RPAP2: variants seen among roughly 807,000 people sequenced by gnomAD.
RPAP2 encodes putative RNA polymerase II subunit B1 CTD phosphatase RPAP2.
A neutral mutation model predicts 73.1 loss-of-function variants in RPAP2; 52 were observed. That is an observed-to-expected ratio of 0.71 (90% CI 0.57 to 0.90). The LOEUF is 0.90. RPAP2 is among the 40% of genes least tolerant of loss of function. The pLI is 0.00. For missense variants in RPAP2, 598 were observed against 701.8 expected (o/e 0.85, Z 1.67); for synonymous variants, 225 against 242.1 (o/e 0.93, Z 0.65).
chr1:92,371,888 T>TC (rs1553155738), intron 11 of RPAP2, among the ~76,000 whole-genome samples: 2 of 46,088 alleles, frequency 4.3e-5, no homozygotes, highest in African/African-American at 2.2e-4. Context: ...AGACCCTGTC[T>TC]CAAAAAAAAA....
At chr1:92,317,740 G>A (rs774545968) in intron 6 of RPAP2, among the ~76,000 whole-genome samples, 3 of 152,130 alleles carry the variant, frequency 2.0e-5, no homozygotes, top group Admixed American at 6.5e-5. Context: ...GGTAGGTGAT[G>A]CCTACCTTAT....
chr1:92,322,243 G>T (rs114790603), intron 7 of RPAP2, among the ~76,000 whole-genome samples: 3,389 of 150,476 alleles, frequency 0.023, 151 homozygotes, highest in African/African-American at 0.077. Context: ...ACCACACTCA[G>T]CCAAAGTTTT....
rs1269002463 is a variant in RPAP2, at chr1:92,391,947, G to A, written c.*4936G>A. 2.0e-5 allele frequency: 3 copies of A among 152,066 alleles called. No homozygotes were observed. Among genetic ancestry groups the A allele is most frequent in the Non-Finnish European group, 4.4e-5 (3 of 68,006 alleles). The allele number at this position is 152,066 out of a possible 1,614,324, so 9.4% of individuals were successfully genotyped here. A position where few individuals can be genotyped will look rare whatever the true frequency, so the allele number is the denominator to read the frequency against. On this transcript the variant is annotated 3_prime_UTR_variant, in exon 13 of 13. Coordinates refer to ENST00000610020, the MANE Select transcript of RPAP2 (RefSeq NM_024813.3). ...AGACGGATTCACAGCCAAATTCTAC[G>A]AAAGGTACAAAGAGGTGCTGGTACC...
chr1:92,385,180 A>G (rs1177200552), intron 12 of RPAP2, among the ~76,000 whole-genome samples: 5 of 151,994 alleles, frequency 3.3e-5, no homozygotes, highest in Admixed American at 2.6e-4. Flanking sequence ...TCTCAAAAAA[A>G]AAAAAAAAAA....
At chr1:92,361,390 T>C (rs1446195731) in intron 11 of RPAP2, among the ~76,000 whole-genome samples, 1 of 152,180 alleles carries the variant, frequency 6.6e-6, no homozygotes, top group African/African-American at 2.4e-5. Context: ...TGAATATTTG[T>C]TGATACATCA....
At chr1:92,385,956 T>G (rs901684004) in intron 12 of RPAP2, among the ~76,000 whole-genome samples, 2 of 152,296 alleles carry the variant, frequency 1.3e-5, no homozygotes, top group East Asian at 3.9e-4. Flanking sequence ...CATGTGGTTG[T>G]TGGCAGGATC....
Position 92,305,432 on chromosome 1 carries a change from C to CAAAAAA in RPAP2, c.399+1097_399+1102dup, listed in dbSNP as rs71091273. ...GGGGCAACAGAGTGAGGCTCCGTCT[C>CAAAAAA]AAAAAAAAAAAAAAAAAAAGACAAT... On this transcript the variant is annotated intron_variant, in intron 5 of 12. Transcript: ENST00000610020. Among the ~76,000 whole-genome samples, 170 of 52,504 alleles carry CAAAAAA rather than the reference C, an allele frequency of 3.2e-3. 14 individuals are homozygous for CAAAAAA. Among genetic ancestry groups the CAAAAAA allele is most frequent in the East Asian group, 0.015 (11 of 724 alleles). The allele number at this position is 52,504 out of a possible 152,430, so 34.4% of individuals were successfully genotyped here.
chr1:92,390,603 T>C lies in RPAP2; in HGVS notation c.*3592T>C, dbSNP rs1056279024. On this transcript the variant is annotated 3_prime_UTR_variant, in exon 13 of 13. Transcript: ENST00000610020. Reference sequence around the variant, plus strand: ...CAATTAAAAGACACAGACTGGCAAATTGAATAAACAGTCAAGACCCATCAG... The same window carrying C: ...CAATTAAAAGACACAGACTGGCAAACTGAATAAACAGTCAAGACCCATCAG... The C allele has an allele frequency of 1.3e-5, 2 of 152,204 alleles. No individual in the cohort carries two copies. Among genetic ancestry groups the C allele is most frequent in the African/African-American group, 2.4e-5 (1 of 41,512 alleles). The allele number at this position is 152,204 out of a possible 1,614,324, so 9.4% of individuals were successfully genotyped here.
At chr1:92,351,766 C>T (rs543544862) in intron 11 of RPAP2, among the ~76,000 whole-genome samples, 1 of 152,288 alleles carries the variant, frequency 6.6e-6, no homozygotes, top group South Asian at 2.1e-4. Flanking sequence ...GCCCGAGTTC[C>T]TTTATGTGCA....
intron 8 of RPAP2, among the ~76,000 whole-genome samples, chr1:92,329,140 G>A (rs1356546740): frequency 2.0e-5 from 3 of 152,194 alleles, no homozygotes; most frequent in Non-Finnish European, 4.4e-5. Context: ...GTGCTTTCAA[G>A]AGTGCATCAG....
At chr1:92,356,894 C>G (rs1158529120) in intron 11 of RPAP2, among the ~76,000 whole-genome samples, 1 of 151,760 alleles carries the variant, frequency 6.6e-6, no homozygotes, top group Admixed American at 6.6e-5. Context: ...TAAAGTATGT[C>G]TCTCCTAAAA....
intron 8 of RPAP2, among the ~76,000 whole-genome samples, chr1:92,325,879 T>A (rs1312377864): frequency 6.6e-6 from 1 of 152,192 alleles, no homozygotes; most frequent in Non-Finnish European, 1.5e-5. Flanking sequence ...TAGCTGTAGT[T>A]CATTCTTTTA....
intron 11 of RPAP2, among the ~76,000 whole-genome samples, chr1:92,366,754 G>T (rs1654952617): frequency 6.6e-6 from 1 of 152,116 alleles, no homozygotes. Context: ...GTATATACCA[G>T]ACTTTTTTTT....
intron 6 of RPAP2, among the ~76,000 whole-genome samples, chr1:92,319,746 C>G (rs912188490): frequency 1.3e-5 from 2 of 152,142 alleles, no homozygotes; most frequent in Non-Finnish European, 2.9e-5. Context: ...TGCCTATAAT[C>G]CCAGCACTTT....
At chr1:92,315,836 C>A (rs1379270944) in intron 6 of RPAP2, among the ~76,000 whole-genome samples, 1 of 152,144 alleles carries the variant, frequency 6.6e-6, no homozygotes, top group Non-Finnish European at 1.5e-5. Flanking sequence ...CAGTGGTTCT[C>A]ACAAAATGTC....
intron 8 of RPAP2, among the ~76,000 whole-genome samples, chr1:92,327,444 T>G (rs1652700811): frequency 1.3e-5 from 2 of 152,242 alleles, no homozygotes. Context: ...TGCTGTTGCT[T>G]TAAAGTTTGT....
At chr1:92,357,799 T>G (rs1216909190) in intron 11 of RPAP2, among the ~76,000 whole-genome samples, 1 of 152,266 alleles carries the variant, frequency 6.6e-6, no homozygotes, top group Non-Finnish European at 1.5e-5. Flanking sequence ...CCCAAAGTGT[T>G]GGGATTACAG....
rs182509539 is a variant in RPAP2, at chr1:92,376,474, C to T, written c.1689-4250C>T. Among the ~76,000 whole-genome samples, 12 of 152,240 alleles carry T rather than the reference C, an allele frequency of 7.9e-5. No individual in the cohort carries two copies. In the East Asian group the frequency reaches 1.2e-3, roughly 15 times the overall value. ...ATTATGCAGCAACAGTTAGGGGTCA[C>T]GTGTTAAGAATAGTCAGGAAATCCT... On this transcript the variant is annotated intron_variant, in intron 11 of 12. Coordinates refer to ENST00000610020, the MANE Select transcript of RPAP2 (RefSeq NM_024813.3).
chr1:92,387,143 A>G lies in RPAP2; in HGVS notation c.*132A>G, dbSNP rs1655897636. On this transcript the variant is annotated 3_prime_UTR_variant, in exon 13 of 13. Transcript: ENST00000610020. ...CATACCTTTACCTCTTTAAGTTTCA[A>G]TCTCCCATCTCCCAGTCCTTCAGTC... The G allele has an allele frequency of 7.2e-6, 6 of 828,898 alleles. No homozygotes were observed. Among genetic ancestry groups the G allele is most frequent in the South Asian group, 5.7e-5 (2 of 35,226 alleles). The allele number at this position is 828,898 out of a possible 1,614,324, so 51.3% of individuals were successfully genotyped here. A position where few individuals can be genotyped will look rare whatever the true frequency, so the allele number is the denominator to read the frequency against.
Sources: gnomAD v4.1 joint callset for allele counts (sites outside exome capture counted in the v4.1 genomes callset) on GRCh38, gnomAD v4.1.1 for gene constraint, MANE v1.5 for transcripts, NCBI Gene and HGNC (gene_info 2026-07-23, HGNC 2026-07-21) for gene names.